C7orf78: variants seen among roughly 807,000 people sequenced by gnomAD.
The protein encoded by C7orf78 is chromosome 7 open reading frame 78.
the C7orf78 span, among the ~76,000 whole-genome samples, chr7:12,507,781 T>C: frequency 6.6e-6 from 1 of 152,186 alleles, no homozygotes; most frequent in Non-Finnish European, 1.5e-5. Flanking sequence ...AGTGCATGTA[T>C]GTTATGTGTA....
the C7orf78 span, among the ~76,000 whole-genome samples, chr7:12,513,884 C>T: frequency 6.6e-6 from 1 of 152,042 alleles, no homozygotes; most frequent in Non-Finnish European, 1.5e-5. Context: ...CCTGTAGTCC[C>T]AGCTACTAGG....
At chr7:12,512,074 C>G in the C7orf78 span, among the ~76,000 whole-genome samples, 1 of 151,840 alleles carries the variant, frequency 6.6e-6, no homozygotes, top group Non-Finnish European at 1.5e-5. Context: ...CACGCCTGGC[C>G]TGAATTTGTT....
At chr7:12,513,833 T>G in the C7orf78 span, among the ~76,000 whole-genome samples, 1 of 151,664 alleles carries the variant, frequency 6.6e-6, no homozygotes. Flanking sequence ...ACCCCGTCTC[T>G]ACTAAAAATA....
At chr7:12,527,985 A>T in the C7orf78 span, among the ~76,000 whole-genome samples, 639 of 98,540 alleles carry the variant, frequency 6.5e-3, no homozygotes, top group Middle Eastern at 0.034. Context: ...GTATATGCTA[A>T]GTGTCACTCA....
the C7orf78 span, among the ~76,000 whole-genome samples, chr7:12,501,418 G>A: frequency 6.6e-6 from 1 of 151,744 alleles, no homozygotes; most frequent in Non-Finnish European, 1.5e-5. Context: ...AAAATCACAA[G>A]CATTCCTATA....
At chr7:12,538,107 T>G in the C7orf78 span, among the ~76,000 whole-genome samples, 1 of 152,176 alleles carries the variant, frequency 6.6e-6, no homozygotes, top group Non-Finnish European at 1.5e-5. Flanking sequence ...TTGTGATAAC[T>G]CCATAGAAAT....
At chr7:12,503,068 C>G in the C7orf78 span, among the ~76,000 whole-genome samples, 1 of 127,006 alleles carries the variant, frequency 7.9e-6, no homozygotes, top group Admixed American at 7.5e-5. Flanking sequence ...GAACATGACA[C>G]TCTGGGGACT....
At chr7:12,491,245 T>G in the C7orf78 span, 1 of 152,212 alleles carries the variant, frequency 6.6e-6, no homozygotes, top group Non-Finnish European at 1.5e-5. Flanking sequence ...CCTCTTAATG[T>G]GCATAGGGAT....
At chr7:12,503,996 G>A in the C7orf78 span, among the ~76,000 whole-genome samples, 2,833 of 152,246 alleles carry the variant, frequency 0.019, 85 homozygotes, top group African/African-American at 0.064. Context: ...AGGTTGAGCC[G>A]TAGATTAGAA....
At chr7:12,490,234 G>T in the C7orf78 span, among the ~76,000 whole-genome samples, 1 of 151,964 alleles carries the variant, frequency 6.6e-6, no homozygotes, top group Non-Finnish European at 1.5e-5. Flanking sequence ...AGTTCAGCAA[G>T]GTTGTATTAT....
the C7orf78 span, among the ~76,000 whole-genome samples, chr7:12,487,757 A>C: frequency 6.6e-6 from 1 of 152,086 alleles, no homozygotes; most frequent in Non-Finnish European, 1.5e-5. Context: ...TGAAAATATG[A>C]AAACAGATTC....
At chr7:12,510,304 C>A in the C7orf78 span, among the ~76,000 whole-genome samples, 1 of 152,002 alleles carries the variant, frequency 6.6e-6, no homozygotes, top group Non-Finnish European at 1.5e-5. Flanking sequence ...CCTACCTCAG[C>A]CTCCCAAGTA....
the C7orf78 span, among the ~76,000 whole-genome samples, chr7:12,487,628 G>A: frequency 1.1e-4 from 17 of 152,166 alleles, no homozygotes; most frequent in East Asian, 1.5e-3. Context: ...GGAATTAAAC[G>A]AATCCAGCAG....
At chr7:12,517,389 G>A in the C7orf78 span, among the ~76,000 whole-genome samples, 3 of 151,904 alleles carry the variant, frequency 2.0e-5, no homozygotes, top group Non-Finnish European at 1.5e-5. Flanking sequence ...TGTTTTTATC[G>A]GCAGCATGAA....
At chr7:12,524,427 AAT>A in the C7orf78 span, among the ~76,000 whole-genome samples, 7 of 152,318 alleles carry the variant, frequency 4.6e-5, no homozygotes, top group South Asian at 2.1e-4. Flanking sequence ...CATAGTAAAT[AAT>A]ATATGTTACC....
chr7:12,518,007 T>C, the C7orf78 span, among the ~76,000 whole-genome samples: 2 of 152,202 alleles, frequency 1.3e-5, no homozygotes, highest in South Asian at 4.1e-4. Flanking sequence ...TTCTTTGAAT[T>C]TTTTGAATTT....
the C7orf78 span, among the ~76,000 whole-genome samples, chr7:12,488,918 T>TA: frequency 6.9e-6 from 1 of 144,092 alleles, no homozygotes; most frequent in Non-Finnish European, 1.6e-5. Context: ...GATTGGTTTT[T>TA]TTTTTTTTGG....
chr7:12,507,727 T>C, the C7orf78 span, among the ~76,000 whole-genome samples: 1 of 152,160 alleles, frequency 6.6e-6, no homozygotes, highest in South Asian at 2.1e-4. Context: ...ATTTGGAAAA[T>C]GTTAAGCTGC....
chr7:12,495,999 C>T, the C7orf78 span, among the ~76,000 whole-genome samples: 1 of 151,888 alleles, frequency 6.6e-6, no homozygotes, highest in Non-Finnish European at 1.5e-5. Flanking sequence ...GATCTCGGCT[C>T]ACTGCAAGCT....
Sources: gnomAD v4.1 joint callset for allele counts (sites outside exome capture counted in the v4.1 genomes callset) on GRCh38, gnomAD v4.1.1 for gene constraint, MANE v1.5 for transcripts, NCBI Gene and HGNC (gene_info 2026-07-23, HGNC 2026-07-21) for gene names.